CRADD: variants seen among roughly 807,000 people sequenced by gnomAD.
CRADD encodes death domain-containing protein CRADD.
In CRADD, 9 loss-of-function variants were observed where a neutral mutation model predicts 15.5. The observed-to-expected ratio is 0.58, with a 90% CI of 0.35 to 1.01. The LOEUF (loss-of-function observed/expected upper bound fraction) is 1.01, where lower values mean the gene tolerates loss of function less well. Ranked by LOEUF, CRADD falls within the 50% of genes least tolerant of loss-of-function variation. The pLI is 0.02. For synonymous variants in CRADD, 118 were observed against 107.6 expected (o/e 1.10, Z -0.60); for missense variants, 227 against 250.3 (o/e 0.91, Z 0.63).
chr12:93,806,517 T>C (rs1416528481), intron 2 of CRADD, among the ~76,000 whole-genome samples: 1 of 151,550 alleles, frequency 6.6e-6, no homozygotes, highest in Non-Finnish European at 1.5e-5. Flanking sequence ...GGTCAGTCTT[T>C]GTTCTTCTGG....
chr12:93,827,398 T>C (rs182722902), intron 2 of CRADD, among the ~76,000 whole-genome samples: 1 of 152,370 alleles, frequency 6.6e-6, no homozygotes, highest in African/African-American at 2.4e-5. Flanking sequence ...ATTAATACTT[T>C]GTCCCTTTTT....
chr12:93,835,213 C>G (rs1045459125), intron 2 of CRADD, among the ~76,000 whole-genome samples: 2 of 152,128 alleles, frequency 1.3e-5, no homozygotes, highest in Admixed American at 6.5e-5. Context: ...CTTTATACTT[C>G]AATATCATCC....
intron 2 of CRADD, among the ~76,000 whole-genome samples, chr12:93,720,618 A>T (rs191604347): frequency 2.2e-4 from 33 of 152,288 alleles, no homozygotes; most frequent in African/African-American, 7.5e-4. Flanking sequence ...CACACTAATG[A>T]TTGTTACGTA....
chr12:93,764,734 T>G lies in CRADD; in HGVS notation c.299-85236T>G, dbSNP rs1039108107. Among the ~76,000 whole-genome samples, 10 of 28,096 alleles carry G rather than the reference T, an allele frequency of 3.6e-4. No homozygotes were observed. In the South Asian group the frequency reaches 0.021, roughly 60 times the overall value. 18.4% of individuals were successfully genotyped at this position (28,096 alleles called of 152,430 possible). ...TGGTATTTAGTAATCATATTTTTGG[T>G]TTTTTTTTTTTGTCTACAGGGAGTG... On this transcript the variant is annotated intron_variant, in intron 2 of 2. Transcript: ENST00000332896.
chr12:93,804,643 A>C (rs910448557), intron 2 of CRADD, among the ~76,000 whole-genome samples: 1 of 152,040 alleles, frequency 6.6e-6, no homozygotes, highest in Non-Finnish European at 1.5e-5. Context: ...TTCCTTCTAA[A>C]TCACCACCCC....
rs539804887 is a variant in CRADD, at chr12:93,721,644, G to A, written c.298+42572G>A. ...ATAACAACTATTTGCATAGTATTAG[G>A]TATTATAAGTAATCTAGAGATGATT... On this transcript the variant is annotated intron_variant, in intron 2 of 2. Coordinates refer to ENST00000332896, the MANE Select transcript of CRADD (RefSeq NM_003805.5). Among the ~76,000 whole-genome samples, 4 of 152,116 alleles carry A rather than the reference G, an allele frequency of 2.6e-5. No homozygotes were observed. In the South Asian group the frequency reaches 8.3e-4, roughly 32 times the overall value.
At chr12:93,758,405 A>G (rs1336389375) in intron 2 of CRADD, among the ~76,000 whole-genome samples, 2 of 152,160 alleles carry the variant, frequency 1.3e-5, no homozygotes, top group Non-Finnish European at 1.5e-5. Context: ...TGAGTCAATA[A>G]CTAAATGTTT....
intron 2 of CRADD, among the ~76,000 whole-genome samples, chr12:93,843,717 G>GTATTTATT (rs1054879499): frequency 4.0e-5 from 6 of 150,400 alleles, no homozygotes; most frequent in African/African-American, 1.2e-4. Context: ...TTTTATTTAT[G>GTATTTATT]TATTTATTTA....
At position 93,889,185 on chromosome 12, in the gene CRADD, G is replaced by A. The variant is rs139886338; in HGVS notation, c.299-4865G>A. On this transcript the variant is annotated intron_variant, in intron 2 of 2. Transcript: ENST00000548483. The stretch of plus-strand genomic sequence containing the variant: ...TCTCACTTTTTCCTGGTTTGTGCTT[G>A]TCGGACCATATGCAAGTAATTAAAA... Among the ~76,000 whole-genome samples the A allele has an allele frequency of 5.1e-4, 78 of 152,258 alleles. No homozygotes were observed. The East Asian group carries it at 0.013, about 25-fold the overall frequency.
chr12:93,843,066 C>A (rs1389998414), intron 2 of CRADD, among the ~76,000 whole-genome samples: 1 of 152,166 alleles, frequency 6.6e-6, no homozygotes, highest in African/African-American at 2.4e-5. Context: ...GATGAACATT[C>A]TATACCACAA....
chr12:93,745,435 A>G (rs1283873269), intron 2 of CRADD, among the ~76,000 whole-genome samples: 1 of 152,196 alleles, frequency 6.6e-6, no homozygotes, highest in Non-Finnish European at 1.5e-5. Flanking sequence ...AGTAACTCCA[A>G]TGTCTTCCAG....
At chr12:93,793,388 A>G (rs1420714610) in intron 2 of CRADD, among the ~76,000 whole-genome samples, 1 of 152,220 alleles carries the variant, frequency 6.6e-6, no homozygotes, top group African/African-American at 2.4e-5. Context: ...CTTTATAAAA[A>G]TGGAAGGACC....
At chr12:93,832,823 A>G (rs569549838) in intron 2 of CRADD, among the ~76,000 whole-genome samples, 1 of 152,342 alleles carries the variant, frequency 6.6e-6, no homozygotes, top group Non-Finnish European at 1.5e-5. Flanking sequence ...CTTCTATATA[A>G]AGGAATCTTA....
At chr12:93,854,783 T>C (rs960832833), downstream of CRADD, among the ~76,000 whole-genome samples, 4 of 152,196 alleles carry the variant, frequency 2.6e-5, no homozygotes, top group Admixed American at 2.6e-4. Flanking sequence ...CCTCCAGACA[T>C]ACAGCCATGA....
chr12:93,825,471 C>T (rs1470829528), intron 2 of CRADD, among the ~76,000 whole-genome samples: 11 of 152,092 alleles, frequency 7.2e-5, no homozygotes, highest in Non-Finnish European at 1.2e-4. Context: ...CCTTTGTTTT[C>T]CTTTCTCCTT....
chr12:93,861,482 C>A lies in CRADD; in HGVS notation c.299-32568C>A, dbSNP rs543221024. ...CCAGCTAATGGCCTTTGGCTGTCAG[C>A]CCTCTTCAAGTATTGCCTCTGCTAA... On this transcript the variant is annotated intron_variant, in intron 2 of 2. Coordinates refer to the CRADD transcript ENST00000548483. Among the ~76,000 whole-genome samples the A allele has an allele frequency of 1.3e-4, 20 of 152,338 alleles. 1 individual carries two copies. The Middle Eastern group carries it at 0.01, about 78-fold the overall frequency.
At chr12:93,886,105 A>G (rs1958534852) in intron 2 of CRADD, among the ~76,000 whole-genome samples, 1 of 150,192 alleles carries the variant, frequency 6.7e-6, no homozygotes, top group African/African-American at 2.5e-5. Flanking sequence ...ATCAGTCTTT[A>G]TATCTATAAG....
chr12:93,860,625 G>GT (rs976910144), intron 2 of CRADD, among the ~76,000 whole-genome samples: 3 of 152,156 alleles, frequency 2.0e-5, no homozygotes, highest in Non-Finnish European at 4.4e-5. Context: ...GGAGGGAGCC[G>GT]TGCTGAGGCC....
intron 2 of CRADD, among the ~76,000 whole-genome samples, chr12:93,698,947 C>A (rs148916712): frequency 6.6e-6 from 1 of 152,086 alleles, no homozygotes; most frequent in Non-Finnish European, 1.5e-5. Flanking sequence ...GCAACAGAGA[C>A]CTTATGGTCC....
Sources: gnomAD v4.1 joint callset for allele counts (sites outside exome capture counted in the v4.1 genomes callset) on GRCh38, gnomAD v4.1.1 for gene constraint, MANE v1.5 for transcripts, NCBI Gene and HGNC (gene_info 2026-07-23, HGNC 2026-07-21) for gene names.